MAGI3: variants seen among roughly 807,000 people sequenced by gnomAD.
MAGI3 encodes membrane associated guanylate kinase, WW and PDZ domain containing 3.
A neutral mutation model predicts 121.8 loss-of-function variants in MAGI3; 43 were observed. That is an observed-to-expected ratio of 0.35 (90% CI 0.28 to 0.46). MAGI3 has a LOEUF of 0.46. Among genes scored for constraint, MAGI3 ranks in the 20% least tolerant of loss-of-function variants. MAGI3 has a pLI of 1.00. For missense variants in MAGI3, 1,547 were observed against 1,797.3 expected (o/e 0.86, Z 2.52); for synonymous variants, 553 against 639.3 (o/e 0.86, Z 2.04).
intron 7 of MAGI3, chr1:113,618,601 G>C (rs1202345314): frequency 2.4e-6 from 1 of 417,626 alleles, no homozygotes; most frequent in South Asian, 1.8e-5. Context: ...CGCCTCCTGG[G>C]TTCAAGTGAG....
At chr1:113,392,194 G>A (rs866565623) in intron 1 of MAGI3, among the ~76,000 whole-genome samples, 2 of 152,338 alleles carry the variant, frequency 1.3e-5, no homozygotes, top group South Asian at 4.1e-4. Flanking sequence ...GTATGTAGTA[G>A]TTCTTATGAA....
At chr1:113,641,865 C>A in intron 9 of MAGI3, 46 bp from the exon 10 acceptor site, 1 of 1,497,936 alleles carries the variant, frequency 6.7e-7, no homozygotes, top group Non-Finnish European at 8.9e-7. Context: ...AAAAAATTAA[C>A]TTATTTGTTG....
chr1:113,599,133 G>T (rs1044564486), intron 6 of MAGI3, among the ~76,000 whole-genome samples: 1 of 152,050 alleles, frequency 6.6e-6, no homozygotes, highest in African/African-American at 2.4e-5. Flanking sequence ...AGCCAAAATT[G>T]ACATCCTAAC....
At chr1:113,461,829 C>T (rs1044821068) in intron 1 of MAGI3, among the ~76,000 whole-genome samples, 13 of 152,020 alleles carry the variant, frequency 8.6e-5, no homozygotes, top group Non-Finnish European at 1.9e-4. Context: ...ATGCATCTGA[C>T]AAAGGTCTAA....
intron 1 of MAGI3, among the ~76,000 whole-genome samples, chr1:113,444,734 A>G (rs1006171430): frequency 3.3e-5 from 5 of 152,210 alleles, no homozygotes; most frequent in Admixed American, 3.3e-4. Flanking sequence ...GGCTCATTCC[A>G]AGGAAAAAAC....
At chr1:113,610,771 TA>T (rs1266370932) in intron 6 of MAGI3, among the ~76,000 whole-genome samples, 2 of 152,046 alleles carry the variant, frequency 1.3e-5, no homozygotes, top group Admixed American at 1.3e-4. Context: ...CCCTGTCTAC[TA>T]AAATACAAAA....
At chr1:113,398,258 TG>T (rs1226483019) in intron 1 of MAGI3, among the ~76,000 whole-genome samples, 1 of 152,240 alleles carries the variant, frequency 6.6e-6, no homozygotes, top group Non-Finnish European at 1.5e-5. Context: ...TAACACATAC[TG>T]AGAGATATTG....
intron 1 of MAGI3, among the ~76,000 whole-genome samples, chr1:113,463,978 A>G (rs1471104676): frequency 1.3e-5 from 2 of 152,120 alleles, no homozygotes; most frequent in East Asian, 1.9e-4. Context: ...ATCACCTTAA[A>G]TATTTGTCTT....
intron 1 of MAGI3, among the ~76,000 whole-genome samples, chr1:113,541,941 GTCGCATGTCTTGTT>G (rs1486443762): frequency 6.6e-6 from 1 of 152,180 alleles, no homozygotes. Context: ...AGTAAGTGCT[GTCGCATGTCTTGTT>G]TCCTCTACCA....
At chr1:113,452,188 G>A (rs1427273113) in intron 1 of MAGI3, among the ~76,000 whole-genome samples, 3 of 152,076 alleles carry the variant, frequency 2.0e-5, no homozygotes, top group Non-Finnish European at 4.4e-5. Flanking sequence ...CCCCTTTCAG[G>A]AAGGGGAAGT....
intron 1 of MAGI3, among the ~76,000 whole-genome samples, chr1:113,393,071 T>C (rs1650913666): frequency 6.6e-6 from 1 of 152,212 alleles, no homozygotes; most frequent in Non-Finnish European, 1.5e-5. Context: ...TATTGTGATC[T>C]TTTTTAGAAG....
chr1:113,405,908 C>A (rs1651657040), intron 1 of MAGI3, among the ~76,000 whole-genome samples: 1 of 152,062 alleles, frequency 6.6e-6, no homozygotes, highest in South Asian at 2.1e-4. Flanking sequence ...TAGGTATAAA[C>A]CCAGAGTGGT....
chr1:113,564,520 TG>T (rs1660359866), intron 2 of MAGI3, among the ~76,000 whole-genome samples: 3 of 152,172 alleles, frequency 2.0e-5, no homozygotes, highest in Non-Finnish European at 4.4e-5. Context: ...AATAAGATTT[TG>T]TTACTATTTT....
At chr1:113,465,295 C>T (rs1267582794) in intron 1 of MAGI3, among the ~76,000 whole-genome samples, 1 of 151,988 alleles carries the variant, frequency 6.6e-6, no homozygotes, top group East Asian at 1.9e-4. Flanking sequence ...GTACCTTTGT[C>T]GAAGATGAGT....
rs181844542 is a variant in MAGI3 at position 113,647,782 on chromosome 1, A to G, written c.2155+1140A>G. Among the ~76,000 whole-genome samples, 7 of 152,312 alleles carry G rather than the reference A, an allele frequency of 4.6e-5. 1 individual carries two copies. ...AACCAGTTGTACGCCCAGCAAAGCA[A>G]TAATTTAAATTAGCATAACAATGTA... On this transcript the variant is annotated intron_variant, in intron 12 of 20. Transcript: ENST00000307546.
At chr1:113,525,041 G>T (rs1048746130) in intron 1 of MAGI3, among the ~76,000 whole-genome samples, 1 of 152,122 alleles carries the variant, frequency 6.6e-6, no homozygotes, top group African/African-American at 2.4e-5. Flanking sequence ...CTCTTCTCTT[G>T]TCTGCCACTG....
At chr1:113,407,405 G>GTAAC (rs1167956205) in intron 1 of MAGI3, among the ~76,000 whole-genome samples, 1 of 152,120 alleles carries the variant, frequency 6.6e-6, no homozygotes, top group Non-Finnish European at 1.5e-5. Flanking sequence ...TTTGCTTTGA[G>GTAAC]TAACTGGTGG....
At chr1:113,536,738 T>G (rs1433742756) in intron 1 of MAGI3, among the ~76,000 whole-genome samples, 1 of 152,178 alleles carries the variant, frequency 6.6e-6, no homozygotes, top group Non-Finnish European at 1.5e-5. Context: ...ACAAAATAAT[T>G]TGTATGTCAG....
At chr1:113,412,130 T>C (rs1332411955) in intron 1 of MAGI3, among the ~76,000 whole-genome samples, 1 of 151,034 alleles carries the variant, frequency 6.6e-6, no homozygotes, top group East Asian at 2.0e-4. Context: ...GTGTTTGGTT[T>C]TCTGTCCTTG....
Sources: gnomAD v4.1 joint callset for allele counts (sites outside exome capture counted in the v4.1 genomes callset) on GRCh38, gnomAD v4.1.1 for gene constraint, MANE v1.5 for transcripts, NCBI Gene and HGNC (gene_info 2026-07-23, HGNC 2026-07-21) for gene names.